Variants in PIEZO1 observed in about 807,000 individuals in gnomAD.
PIEZO1 encodes piezo type mechanosensitive ion channel component 1 (Er blood group).
In PIEZO1, 296 loss-of-function variants were observed where a neutral mutation model predicts 297.2. The ratio of observed to expected loss-of-function variants is 1.00; its 90% CI spans 0.91 to 1.10. The LOEUF is 1.10. PIEZO1 is among the 50% of genes least tolerant of loss of function. The probability of loss-of-function intolerance (pLI) is 0.00; values close to 1 mark genes in which losing one functional copy is unlikely to be tolerated. For missense variants in PIEZO1, 5,018 were observed against 3,455.5 expected (o/e 1.45, Z -11.34); for synonymous variants, 2,427 against 1,507.5 (o/e 1.61, Z -14.13).
At chr16:88,772,474 C>G (rs1247570820) in intron 1 of PIEZO1, among the ~76,000 whole-genome samples, 2 of 152,196 alleles carry the variant, frequency 1.3e-5, no homozygotes, top group Non-Finnish European at 2.9e-5. Context: ...GCACGGCTTC[C>G]TCCCTCATAA....
At chr16:88,749,183 T>G (rs537328664) in intron 2 of PIEZO1, among the ~76,000 whole-genome samples, 317 of 150,642 alleles carry the variant, frequency 2.1e-3, no homozygotes, top group African/African-American at 7.1e-3. Flanking sequence ...AAGCCTGCAG[T>G]GAGCAGAGAT....
chr16:88,733,604 C>G lies in PIEZO1; in HGVS notation c.2471G>C (p.Trp824Ser). 1 of 1,546,838 alleles carries G rather than the reference C, an allele frequency of 6.5e-7. No homozygotes were observed. The highest frequency in any genetic ancestry group is 8.7e-7 in the Non-Finnish European group (1 of 1,144,594). The change falls in exon 18 of 51, where the codon TGG becomes TCG. Residue 824 changes from tryptophan (W) to serine (S), a missense_variant. Coordinates refer to ENST00000301015, the MANE Select transcript of PIEZO1 (RefSeq NM_001142864.4). ...CACACTCACCTCCTTCAGGGCCACC[C>G]AGACGGTGTACAGGGCCACCAGCTT... ...VFKLVALYTVWVALKEVSVMN... is the reference protein window; with the variant it reads ...VFKLVALYTVSVALKEVSVMN...
intron 22 of PIEZO1, among the ~76,000 whole-genome samples, chr16:88,730,493 G>T (rs1020356497): frequency 6.6e-6 from 1 of 151,732 alleles, no homozygotes; most frequent in Non-Finnish European, 1.5e-5. Flanking sequence ...AGCCACGAGG[G>T]AGGCTGAGAC....
At chr16:88,733,840 C>T (rs566926549) in intron 17 of PIEZO1, 66 bp downstream of exon 17, 60 of 1,459,660 alleles carry the variant, frequency 4.1e-5, no homozygotes, top group Middle Eastern at 2.4e-4. Context: ...ACTCTGCCAA[C>T]GCCCCCCGAG....
intron 23 of PIEZO1, 141 bp from the exon 24 acceptor site, chr16:88,727,333 G>C: frequency 2.0e-6 from 2 of 1,003,166 alleles, no homozygotes; most frequent in African/African-American, 3.3e-5. Flanking sequence ...TGAGTGGCCG[G>C]GTGTCCCTGG....
chr16:88,773,825 G>C (rs1192268526), intron 1 of PIEZO1, among the ~76,000 whole-genome samples: 2 of 152,094 alleles, frequency 1.3e-5, no homozygotes, highest in African/African-American at 4.8e-5. Flanking sequence ...CTTAGGAAGA[G>C]GGTCACTCGA....
chr16:88,720,659 C>T lies in PIEZO1; in HGVS notation c.5758G>A (p.Val1920Ile), dbSNP rs746079204. 7.7e-6 allele frequency: 12 copies of T among 1,548,412 alleles called. No homozygotes were observed. The South Asian group carries it at 1.1e-4, about 14-fold the overall frequency. The change falls in exon 40 of 51, where the codon GTA becomes ATA. Residue 1920 changes from valine to isoleucine, a missense_variant. By Grantham distance (29) the Val-to-Ile change is conservative. Transcript: ENST00000301015. The part of the protein sequence containing the change: ...EKRPSRSGGR[V>I]RAAGRRLQGF... ...TGCAGCCGCCGCCCGGCCGCCCTTA[C>T]TCTTCCTCCAGAGCGGCTTGGCCTC...
chr16:88,734,340 G>A lies in PIEZO1; in HGVS notation c.2180+16C>T. The stretch of plus-strand genomic sequence containing the variant: ...CTACACCTCTCCAGGGCCGGACAGG[G>A]AGGGCGGGGCCGCACCTGTGAGCCC... On this transcript the variant is annotated intron_variant, in intron 16 of 50. Coordinates refer to ENST00000301015, the MANE Select transcript of PIEZO1 (RefSeq NM_001142864.4). 1 of 1,500,114 alleles carries A rather than the reference G, an allele frequency of 6.7e-7. No individual in the cohort carries two copies. The highest frequency in any genetic ancestry group is 8.9e-7 in the Non-Finnish European group (1 of 1,120,400). The allele number at this position is 1,500,114 out of a possible 1,614,324, so 92.9% of individuals were successfully genotyped here.
intron 1 of PIEZO1, 97 bp downstream of exon 1, chr16:88,784,804 C>T: frequency 1.1e-6 from 1 of 884,588 alleles, no homozygotes; most frequent in African/African-American, 1.8e-5. Flanking sequence ...CGCTCGCCCG[C>T]AGCCCTCGCC....
In PIEZO1 at chr16:88,750,779, G is replaced by A. The variant is rs1354961478; in HGVS notation, c.65-1300C>T. ...CACTCAGCCTTTCCGGGGCTACCAG[G>A]GAGGACACTGGGACTGGAAAGGCGC... is the stretch of plus-strand genomic sequence containing the variant. On this transcript the variant is annotated intron_variant, in intron 1 of 50. Coordinates refer to ENST00000301015, the MANE Select transcript of PIEZO1 (RefSeq NM_001142864.4). 2.6e-5 allele frequency among the ~76,000 whole-genome samples: 4 copies of A among 152,312 alleles called. 1 individual carries two copies. The highest frequency in any genetic ancestry group is 2.4e-5 in the African/African-American group (1 of 41,576).
intron 1 of PIEZO1, among the ~76,000 whole-genome samples, chr16:88,756,975 C>A (rs1187665461): frequency 6.6e-6 from 1 of 152,014 alleles, no homozygotes; most frequent in East Asian, 1.9e-4. Flanking sequence ...ACTTGGGGGG[C>A]TGAGGCAGGA....
intron 2 of PIEZO1, chr16:88,743,291 G>T (rs769118171): frequency 2.2e-6 from 1 of 456,422 alleles, no homozygotes; most frequent in Non-Finnish European, 4.4e-6. Flanking sequence ...GCAGGGGTCC[G>T]GACCAAAGTC....
chr16:88,736,938 C>A, intron 10 of PIEZO1, 199 bp from the exon 11 acceptor site: 2 of 477,036 alleles, frequency 4.2e-6, no homozygotes, highest in Non-Finnish European at 3.7e-6. Context: ...CCAGCACCTG[C>A]CGTTCTCTGG....
At chr16:88,728,485 C>T (rs938284056) in intron 22 of PIEZO1, among the ~76,000 whole-genome samples, 8 of 147,018 alleles carry the variant, frequency 5.4e-5, no homozygotes, top group African/African-American at 2.0e-4. Context: ...AAGTGACCCT[C>T]GATGCTGGGG....
rs572824283 is a variant in PIEZO1, at chr16:88,727,360, G to C, written c.3302-168C>G. 1.0e-3 allele frequency among the ~76,000 whole-genome samples: 153 copies of C among 152,362 alleles called. No homozygotes were observed. In the Middle Eastern group the frequency reaches 0.024, roughly 24 times the overall value. On this transcript the variant is annotated intron_variant, in intron 23 of 50. Transcript: ENST00000301015. ...TGTCCCTGGGGGAGCCCCGGTGTGA[G>C]GGCATCTGCACAAGGGCTGCCGTGC...
intron 1 of PIEZO1, among the ~76,000 whole-genome samples, chr16:88,761,538 G>A (rs1005093704): frequency 1.3e-5 from 2 of 152,212 alleles, no homozygotes; most frequent in Admixed American, 1.3e-4. Context: ...GCGGGGTGGG[G>A]GCGGGTGAGC....
At chr16:88,733,014 G>A (rs957376019) in intron 19 of PIEZO1, 1 of 582,746 alleles carries the variant, frequency 1.7e-6, no homozygotes, top group Non-Finnish European at 3.0e-6. Flanking sequence ...TCCCTGTCCA[G>A]GGGTGGGGCC....
intron 29 of PIEZO1, 113 bp downstream of exon 29, chr16:88,725,303 C>T: frequency 1.3e-6 from 1 of 745,918 alleles, no homozygotes; most frequent in Non-Finnish European, 2.1e-6. Flanking sequence ...GCGGACAGGA[C>T]AGGCGGGCTG....
In PIEZO1 at chr16:88,727,174, A is replaced by T; in HGVS notation, c.3320T>A (p.Leu1107Gln). 1 of 1,543,642 alleles carries T rather than the reference A, an allele frequency of 6.5e-7. No individual in the cohort carries two copies. The highest frequency in any genetic ancestry group is 1.8e-4 in the Middle Eastern group (1 of 5,490). ...TNLISDFLLLLCASQQWQVFS... is the reference protein window; with the variant it reads ...TNLISDFLLLQCASQQWQVFS... ...CACCTGCCACTGCTGGGAGGCGCAC[A>T]GCAGCAGGAGAAAGTCGCCTGCAGG... Residue 1107 changes from leucine to glutamine, a missense_variant, in exon 24 of 51, where the codon CTG becomes CAG. Transcript: ENST00000301015.
Sources: allele counts gnomAD v4.1 joint callset (sites outside exome capture counted in the v4.1 genomes callset), GRCh38; gene constraint gnomAD v4.1.1; transcripts MANE v1.5; gene names NCBI Gene and HGNC (gene_info 2026-07-23, HGNC 2026-07-21).